Variants in CUX2 observed in about 807,000 individuals in gnomAD.
The protein encoded by CUX2 is cut like homeobox 2.
CUX2 carries 40 observed loss-of-function variants against 144.8 expected under a neutral mutation model. The ratio of observed to expected loss-of-function variants is 0.28; its 90% CI spans 0.21 to 0.36. The LOEUF (loss-of-function observed/expected upper bound fraction) is 0.36. Among genes scored for constraint, CUX2 ranks in the 10% least tolerant of loss-of-function variants. CUX2 has a pLI of 1.00. For synonymous variants in CUX2, 827 were observed against 875.6 expected (o/e 0.94, Z 0.98); for missense variants, 1,615 against 1,994.0 (o/e 0.81, Z 3.62).
chr12:111,069,683 A>C (rs990087753), intron 1 of CUX2, among the ~76,000 whole-genome samples: 6 of 152,104 alleles, frequency 3.9e-5, no homozygotes, highest in African/African-American at 1.4e-4. Flanking sequence ...GTGTCTTCAC[A>C]TGGTCATACC....
At chr12:111,198,510 C>G (rs1021079019) in intron 1 of CUX2, among the ~76,000 whole-genome samples, 1 of 151,682 alleles carries the variant, frequency 6.6e-6, no homozygotes. Flanking sequence ...GGGTTTGGAC[C>G]AGGCACTGGC....
At chr12:111,332,137 TTTTTTTTTTTTTGGAAACAGAGTC>T (rs1349543885) in intron 18 of CUX2, among the ~76,000 whole-genome samples, 1 of 149,214 alleles carries the variant, frequency 6.7e-6, no homozygotes, top group African/African-American at 2.5e-5. Flanking sequence ...CCTTTTTTTT[TTTTTTTTTTTTTGGAAACAGAGTC>T]TTGCTCTATT....
intron 1 of CUX2, among the ~76,000 whole-genome samples, chr12:111,135,403 C>T (rs1875811741): frequency 1.3e-5 from 2 of 152,144 alleles, no homozygotes; most frequent in Admixed American, 1.3e-4. Context: ...GGTGCAGCTG[C>T]TGTGGGAAGC....
chr12:111,237,515 G>A (rs73414555), intron 3 of CUX2, among the ~76,000 whole-genome samples: 2,097 of 152,234 alleles, frequency 0.014, 41 homozygotes, highest in African/African-American at 0.047. Flanking sequence ...GGCTGTCCAC[G>A]TCCCTGTCTC....
intron 1 of CUX2, among the ~76,000 whole-genome samples, chr12:111,065,159 A>G (rs1415655871): frequency 6.6e-6 from 1 of 152,234 alleles, no homozygotes; most frequent in African/African-American, 2.4e-5. Flanking sequence ...TTAGTGCAGA[A>G]GTCATCCAGA....
chr12:111,175,584 C>T (rs1025426923), intron 1 of CUX2, among the ~76,000 whole-genome samples: 1 of 152,014 alleles, frequency 6.6e-6, no homozygotes, highest in African/African-American at 2.4e-5. Flanking sequence ...CTTGGTCACG[C>T]GGCAATATCG....
At chr12:111,177,106 C>G (rs1878901576) in intron 1 of CUX2, among the ~76,000 whole-genome samples, 1 of 152,170 alleles carries the variant, frequency 6.6e-6, no homozygotes, top group South Asian at 2.1e-4. Flanking sequence ...GGGTCTTCCC[C>G]GTGCTGGGCT....
At chr12:111,231,513 A>G (rs977498300) in intron 3 of CUX2, among the ~76,000 whole-genome samples, 3 of 152,234 alleles carry the variant, frequency 2.0e-5, no homozygotes, top group African/African-American at 7.2e-5. Context: ...ACTACCACAG[A>G]CAATCCTTGT....
chr12:111,207,713 T>A (rs1048965888), intron 1 of CUX2, among the ~76,000 whole-genome samples: 1 of 152,184 alleles, frequency 6.6e-6, no homozygotes, highest in Non-Finnish European at 1.5e-5. Context: ...TAATAGACTC[T>A]CAATAAATGT....
chr12:111,208,626 A>G (rs1361908942), intron 1 of CUX2, among the ~76,000 whole-genome samples: 1 of 152,156 alleles, frequency 6.6e-6, no homozygotes, highest in African/African-American at 2.4e-5. Context: ...TCATCTTTAA[A>G]TGGGAGACTC....
chr12:111,289,457 G>A lies in CUX2; in HGVS notation c.302-1961G>A, dbSNP rs2136327730. ...CTCCAGGGGATGCCGTGAGGATGCT[G>A]GGAAGCCAGTCCTGTGCATGGGTTT... On this transcript the variant is annotated intron_variant, in intron 4 of 21. Coordinates refer to ENST00000261726, the MANE Select transcript of CUX2 (RefSeq NM_015267.4). This position sits in a 1 kb window ranked among gnomAD's most constrained non-coding sequence, Gnocchi z 4.1. Among the ~76,000 whole-genome samples the A allele has an allele frequency of 6.6e-6, 1 of 152,288 alleles. No individual in the cohort carries two copies.
chr12:111,034,860 G>GGCCGCCGCC lies in CUX2; in HGVS notation c.63+630_63+638dup, dbSNP rs956434405. 6.7e-6 allele frequency among the ~76,000 whole-genome samples: 1 copy of GGCCGCCGCC among 148,774 alleles called. No homozygotes were observed. On this transcript the variant is annotated intron_variant, in intron 1 of 21. Coordinates refer to ENST00000261726, the MANE Select transcript of CUX2 (RefSeq NM_015267.4). This position sits in a 1 kb window ranked among gnomAD's most constrained non-coding sequence, Gnocchi z 4.2. ...CAGCCCGGACGCGCCGCCACCCGGGGGCCGCCGCCGCCGCCGCCAGAGCCG... is the reference window on the plus strand; with the variant it reads ...CAGCCCGGACGCGCCGCCACCCGGGGGCCGCCGCCGCCGCCGCCGCCGCCGCCAGAGCCG...
At chr12:111,292,882 G>A (rs1225033896) in intron 5 of CUX2, among the ~76,000 whole-genome samples, 2 of 152,152 alleles carry the variant, frequency 1.3e-5, no homozygotes, top group African/African-American at 4.8e-5. Context: ...CAGCACTTTG[G>A]GAGGCCAAGG....
intron 10 of CUX2, among the ~76,000 whole-genome samples, chr12:111,306,648 C>T (rs149093963): frequency 9.5e-4 from 145 of 152,322 alleles, no homozygotes; most frequent in African/African-American, 1.4e-3. Flanking sequence ...TCCTCTGGTG[C>T]GAGCACCCAA....
At chr12:111,185,027 G>C (rs1879432004) in intron 1 of CUX2, among the ~76,000 whole-genome samples, 1 of 152,188 alleles carries the variant, frequency 6.6e-6, no homozygotes, top group African/African-American at 2.4e-5. Flanking sequence ...TGGCGCCACT[G>C]CACTCCAGCC....
chr12:111,335,729 G>A (rs1888323084), intron 19 of CUX2, among the ~76,000 whole-genome samples: 1 of 152,020 alleles, frequency 6.6e-6, no homozygotes, highest in Admixed American at 6.6e-5. Context: ...AAATAAAAAA[G>A]CTTCCTAAAA....
Position 111,072,195 on chromosome 12 carries a change from C to G in CUX2, c.63+37955C>G, listed in dbSNP as rs1173311220. 2.6e-5 allele frequency among the ~76,000 whole-genome samples: 4 copies of G among 152,186 alleles called. No homozygotes were observed. In the East Asian group the frequency reaches 7.7e-4, roughly 29 times the overall value. ...CTGGGATTGCACTGAGTCTATAGAT[C>G]AAGTTGGGAAGAACTGACAACTTGA... is the stretch of plus-strand genomic sequence containing the variant. On this transcript the variant is annotated intron_variant, in intron 1 of 21. Transcript: ENST00000261726.
chr12:111,308,613 C>T, intron 14 of CUX2, 87 bp downstream of exon 14: 1 of 1,124,302 alleles, frequency 8.9e-7, no homozygotes, highest in Non-Finnish European at 1.3e-6. Context: ...GGACCACTGC[C>T]TTCCATGCAG....
rs1879815342 is a variant in CUX2 at position 111,190,573 on chromosome 12, T to C, written c.64-23627T>C. ...TTCCCACCTCTTGATGCTTTTTGAC[T>C]ATGAGATGAGTTCATCTTTCCTGGA... is the stretch of plus-strand genomic sequence containing the variant. On this transcript the variant is annotated intron_variant, in intron 1 of 21. Transcript: ENST00000261726. The surrounding 1 kb of genome is among the most constrained non-coding windows in gnomAD (Gnocchi z 4.0). 1.3e-5 allele frequency among the ~76,000 whole-genome samples: 2 copies of C among 152,214 alleles called. No individual in the cohort carries two copies. Among genetic ancestry groups the C allele is most frequent in the Non-Finnish European group, 2.9e-5 (2 of 68,034 alleles).
Sources: gnomAD v4.1 joint callset for allele counts (sites outside exome capture counted in the v4.1 genomes callset) on GRCh38, gnomAD v4.1.1 for gene constraint, Gnocchi (gnomAD v3.1) non-coding constraint, MANE v1.5 for transcripts, NCBI Gene and HGNC (gene_info 2026-07-23, HGNC 2026-07-21) for gene names.